UNC13C: variants seen among roughly 807,000 people sequenced by gnomAD.
UNC13C encodes unc-13 homolog C, also known as protein unc-13 homolog C.
A neutral mutation model predicts 245.4 loss-of-function variants in UNC13C; 174 were observed. The observed-to-expected ratio is 0.71, with a 90% CI of 0.63 to 0.80. The LOEUF (loss-of-function observed/expected upper bound fraction) is 0.80. Ranked by LOEUF, UNC13C falls within the 30% of genes least tolerant of loss-of-function variation. The pLI is 0.00. For synonymous variants in UNC13C, 992 were observed against 895.1 expected (o/e 1.11, Z -1.93); for missense variants, 2,829 against 2,602.9 (o/e 1.09, Z -1.89).
the UNC13C span, among the ~76,000 whole-genome samples, chr15:53,901,342 C>T: frequency 9.2e-5 from 14 of 151,846 alleles, no homozygotes; most frequent in East Asian, 2.7e-3. Context: ...GCTTCAGCCT[C>T]CCAAGTAGCT....
intron 18 of UNC13C, among the ~76,000 whole-genome samples, chr15:54,407,500 G>A (rs2040320992): frequency 6.6e-6 from 1 of 152,152 alleles, no homozygotes; most frequent in Non-Finnish European, 1.5e-5. Flanking sequence ...TAGAGTGGAG[G>A]TAAAGTAAAA....
At chr15:54,508,083 T>A (rs955209639) in intron 23 of UNC13C, among the ~76,000 whole-genome samples, 3 of 152,048 alleles carry the variant, frequency 2.0e-5, no homozygotes, top group Non-Finnish European at 4.4e-5. Flanking sequence ...TTCCTTAAAT[T>A]AATATGCTGC....
chr15:54,456,008 G>C (rs140498130), intron 19 of UNC13C, among the ~76,000 whole-genome samples: 2,456 of 152,210 alleles, frequency 0.016, 37 homozygotes, highest in Non-Finnish European at 0.025. Context: ...CAGGTCATAG[G>C]CCTAAGTCTT....
chr15:54,367,972 C>A (rs2039402545), intron 17 of UNC13C, among the ~76,000 whole-genome samples: 2 of 152,102 alleles, frequency 1.3e-5, no homozygotes, highest in Non-Finnish European at 2.9e-5. Context: ...GAACTCAGAA[C>A]AAATGGCGAC....
At chr15:54,020,936 C>T (rs1895876463) in intron 2 of UNC13C, among the ~76,000 whole-genome samples, 1 of 152,014 alleles carries the variant, frequency 6.6e-6, no homozygotes, top group Non-Finnish European at 1.5e-5. Flanking sequence ...CAAAATGTTC[C>T]ATAAAAATGC....
At chr15:54,002,006 G>T (rs1315403801) in intron 1 of UNC13C, among the ~76,000 whole-genome samples, 2 of 152,226 alleles carry the variant, frequency 1.3e-5, no homozygotes, top group East Asian at 3.9e-4. Context: ...ATTCAAATCA[G>T]CCAGGCGTGG....
chr15:54,615,031 A>G (rs2553220), intron 30 of UNC13C, among the ~76,000 whole-genome samples: 1 of 151,716 alleles, frequency 6.6e-6, no homozygotes, highest in Admixed American at 6.6e-5. Context: ...TTCACTCATC[A>G]TCAAATGAGA....
chr15:54,535,208 C>T (rs573165849), intron 26 of UNC13C, among the ~76,000 whole-genome samples: 18 of 151,926 alleles, frequency 1.2e-4, no homozygotes, highest in Non-Finnish European at 1.9e-4. Context: ...CAAAAAAGAG[C>T]AGGGGTTGCT....
intron 2 of UNC13C, among the ~76,000 whole-genome samples, chr15:54,040,452 T>C (rs1896763592): frequency 6.6e-6 from 1 of 152,176 alleles, no homozygotes; most frequent in African/African-American, 2.4e-5. Context: ...AATCAAAATC[T>C]TGTTAAAATT....
intron 2 of UNC13C, among the ~76,000 whole-genome samples, chr15:54,138,089 T>G (rs1470648747): frequency 6.6e-6 from 1 of 152,186 alleles, no homozygotes; most frequent in Non-Finnish European, 1.5e-5. Flanking sequence ...TGTGTTGTTT[T>G]ATTTCCACAT....
intron 2 of UNC13C, among the ~76,000 whole-genome samples, chr15:54,072,355 A>G (rs11852771): frequency 0.49 from 74,941 of 152,024 alleles, 20,334 homozygotes; most frequent in Non-Finnish European, 0.61. Context: ...CTATAGATAA[A>G]ATTGGTAATA....
intron 23 of UNC13C, among the ~76,000 whole-genome samples, chr15:54,509,951 G>A (rs900637408): frequency 6.6e-6 from 1 of 152,078 alleles, no homozygotes; most frequent in African/African-American, 2.4e-5. Flanking sequence ...GGGGTCAATA[G>A]CAATCCATGT....
chr15:54,498,702 T>A lies in UNC13C; in HGVS notation c.5061-1377T>A, dbSNP rs960955120. ...CCACAAATAAATGTGATGAACGGCG[T>A]ACAAGCCATGTTTTCAAGCAACTAT... On this transcript the variant is annotated intron_variant, in intron 20 of 32. Coordinates refer to ENST00000260323, the MANE Select transcript of UNC13C (RefSeq NM_001080534.3). Among the ~76,000 whole-genome samples the A allele has an allele frequency of 6.6e-5, 10 of 152,102 alleles. 1 individual carries two copies. Among genetic ancestry groups the A allele is most frequent in the Non-Finnish European group, 1.3e-4 (9 of 67,994 alleles).
chr15:54,127,213 C>A (rs1247704818), intron 2 of UNC13C, among the ~76,000 whole-genome samples: 1 of 152,020 alleles, frequency 6.6e-6, no homozygotes, highest in African/African-American at 2.4e-5. Flanking sequence ...GGGTATATAC[C>A]CAAAGGATTA....
At chr15:54,253,896 C>G (rs2036215753) in intron 8 of UNC13C, among the ~76,000 whole-genome samples, 1 of 152,174 alleles carries the variant, frequency 6.6e-6, no homozygotes, top group African/African-American at 2.4e-5. Flanking sequence ...TACACATCTC[C>G]AAAGAAGGAA....
intron 1 of UNC13C, among the ~76,000 whole-genome samples, chr15:54,009,235 T>G (rs552334556): frequency 5.9e-5 from 9 of 152,334 alleles, no homozygotes; most frequent in Non-Finnish European, 1.3e-4. Flanking sequence ...TTCTTTAGAA[T>G]GCTTTTGTTC....
At chr15:54,119,801 C>A (rs2099175) in intron 2 of UNC13C, among the ~76,000 whole-genome samples, 148,562 of 152,264 alleles carry the variant, frequency 0.98, 72,586 homozygotes, top group Middle Eastern at 1. Context: ...CTTTATTGCT[C>A]ATATAAAGAA....
intron 19 of UNC13C, among the ~76,000 whole-genome samples, chr15:54,453,160 C>T (rs959392746): frequency 8.5e-5 from 13 of 152,138 alleles, no homozygotes; most frequent in South Asian, 4.1e-4. Flanking sequence ...TGTTTATCTC[C>T]GTGCCCACAA....
chr15:54,189,063 T>C (rs560658234), intron 4 of UNC13C, among the ~76,000 whole-genome samples: 3 of 152,264 alleles, frequency 2.0e-5, no homozygotes, highest in African/African-American at 7.2e-5. Context: ...CAACTACTGG[T>C]AGATAATTCA....
Sources: allele counts gnomAD v4.1 joint callset (sites outside exome capture counted in the v4.1 genomes callset), GRCh38; gene constraint gnomAD v4.1.1; transcripts MANE v1.5; gene names NCBI Gene and HGNC (gene_info 2026-07-23, HGNC 2026-07-21).